The following COL6A3 variants were observed in gnomAD, a reference collection of about 807,000 sequenced individuals.
The protein encoded by COL6A3 is collagen type VI alpha 3 chain, also known as collagen alpha-3(VI) chain.
COL6A3 carries 137 observed loss-of-function variants against 274.1 expected under a neutral mutation model. That is an observed-to-expected ratio of 0.50 (90% CI 0.44 to 0.58). The LOEUF (loss-of-function observed/expected upper bound fraction) is 0.58. COL6A3 is among the 20% of genes least tolerant of loss of function. The pLI, the probability that COL6A3 is intolerant of heterozygous loss-of-function variation, is 0.00. For synonymous variants in COL6A3, 1,650 were observed against 1,650.6 expected (o/e 1.00, Z 0.01); for missense variants, 3,950 against 4,124.9 (o/e 0.96, Z 1.16).
intron 3 of COL6A3, among the ~76,000 whole-genome samples, chr2:237,388,806 A>G (rs1468177712): frequency 6.6e-6 from 1 of 152,164 alleles, no homozygotes. Flanking sequence ...AACTCAAACT[A>G]CATTTAAAGT....
rs1336774568 is a variant in COL6A3 at position 237,379,113 on chromosome 2, C to A, written c.2020G>T (p.Asp674Tyr). Residue 674 changes from aspartate to tyrosine, a missense_variant, in exon 6 of 44, where the codon GAC becomes TAC. Asp to Tyr is a radical substitution (Grantham distance 160). Transcript: ENST00000295550. ...TGCACTAAACCAACACGAATATTGT[C>A]ATTTCCAATATCAAGGCTGTTAACT... is the stretch of plus-strand genomic sequence containing the variant. ...NLVNSLDIGN[D>Y]NIRVGLVQFS... is the part of the protein sequence containing the mutation. 1.9e-6 allele frequency: 3 copies of A among 1,614,126 alleles called. No individual in the cohort carries two copies. Among genetic ancestry groups the A allele is most frequent in the South Asian group, 2.2e-5 (2 of 91,086 alleles).
intron 1 of COL6A3, among the ~76,000 whole-genome samples, chr2:237,400,706 C>T (rs1346759166): frequency 6.6e-6 from 1 of 151,918 alleles, no homozygotes; most frequent in Non-Finnish European, 1.5e-5. Flanking sequence ...TAACACTAAT[C>T]CTTCTCAAAC....
In COL6A3 at chr2:237,360,070, C is replaced by T; in HGVS notation, c.6282+18G>A. On this transcript the variant is annotated intron_variant, in intron 17 of 43. Transcript: ENST00000295550. ...CTGACCCCTCCCCACGCTAGCAACC[C>T]CATCACCCACGCCTCACCTTTACTC... is the stretch of plus-strand genomic sequence containing the variant. The T allele has an allele frequency of 1.2e-6, 2 of 1,613,942 alleles. No individual in the cohort carries two copies. The highest frequency in any genetic ancestry group is 2.2e-5 in the East Asian group (1 of 44,852).
At chr2:237,396,591 A>G in intron 2 of COL6A3, 136 bp downstream of exon 2, 2 of 858,796 alleles carry the variant, frequency 2.3e-6, no homozygotes, top group Non-Finnish European at 3.9e-6. Flanking sequence ...GAACTATCCT[A>G]TCTGACTATC....
rs968946247 is a variant in COL6A3 at position 237,364,296 on chromosome 2, A to G, written c.5917+54T>C. On this transcript the variant is annotated intron_variant, in intron 13 of 43. Coordinates refer to ENST00000295550, the MANE Select transcript of COL6A3 (RefSeq NM_004369.4). The surrounding 1 kb of genome is among the most constrained non-coding windows in gnomAD (Gnocchi z 4.6). Reference sequence around the variant, plus strand: ...AGAGGTTTCTCTCCAGCAGAGCAGTACACCCCGCCTCACCAGGGTTTACTT... The same window carrying G: ...AGAGGTTTCTCTCCAGCAGAGCAGTGCACCCCGCCTCACCAGGGTTTACTT... 6 of 1,400,258 alleles carry G rather than the reference A, an allele frequency of 4.3e-6. No homozygotes were observed. Among genetic ancestry groups the G allele is most frequent in the Non-Finnish European group, 6.1e-6 (6 of 988,122 alleles). 86.7% of individuals were successfully genotyped at this position (1,400,258 alleles called of 1,614,324 possible). A position where few individuals can be genotyped will look rare whatever the true frequency, so the allele number is the denominator to read the frequency against.
intron 1 of COL6A3, among the ~76,000 whole-genome samples, chr2:237,402,725 T>A (rs955585400): frequency 1.3e-5 from 2 of 152,204 alleles, no homozygotes; most frequent in African/African-American, 4.8e-5. Context: ...AAGAATCTAA[T>A]ATGAACATTC....
At chr2:237,399,847 G>C (rs1271801485) in intron 1 of COL6A3, among the ~76,000 whole-genome samples, 2 of 152,194 alleles carry the variant, frequency 1.3e-5, no homozygotes, top group Non-Finnish European at 2.9e-5. Flanking sequence ...CTGTAAGTGG[G>C]ACCCATGTCC....
chr2:237,345,969 A>C (rs2077090230), intron 32 of COL6A3, among the ~76,000 whole-genome samples: 1 of 152,206 alleles, frequency 6.6e-6, no homozygotes, highest in Non-Finnish European at 1.5e-5. Flanking sequence ...ATTGAGGGAC[A>C]ATATATGGAG....
Position 237,364,734 on chromosome 2 carries a change from G to A in COL6A3, c.5839-306C>T, listed in dbSNP as rs1466795082. On this transcript the variant is annotated intron_variant, in intron 12 of 43. Transcript: ENST00000295550. This position sits in a 1 kb window ranked among gnomAD's most constrained non-coding sequence, Gnocchi z 4.6. ...GCGAATCATATGCATATGTGTGCATGCATGTGTGCGTGCATGTGTGTGCAT... is the reference window on the plus strand; with the variant it reads ...GCGAATCATATGCATATGTGTGCATACATGTGTGCGTGCATGTGTGTGCAT... Among the ~76,000 whole-genome samples, 3 of 151,202 alleles carry A rather than the reference G, an allele frequency of 2.0e-5. No individual in the cohort carries two copies. The highest frequency in any genetic ancestry group is 1.3e-4 in the Admixed American group (2 of 15,096).
rs1332737986 is a variant in COL6A3 at position 237,407,131 on chromosome 2, CA to C, written c.-31+6821del. Among the ~76,000 whole-genome samples the C allele has an allele frequency of 6.6e-6, 1 of 152,026 alleles. No homozygotes were observed. The highest frequency in any genetic ancestry group is 1.9e-4 in the East Asian group (1 of 5,176). On this transcript the variant is annotated intron_variant, in intron 1 of 43. Transcript: ENST00000295550. This position sits in a 1 kb window ranked among gnomAD's most constrained non-coding sequence, Gnocchi z 4.3. ...CTCACTATATTGCCCAGGCTGGTCT[CA>C]AACTCTTGGGCTCAAGGGATCCTCC...
intron 4 of COL6A3, among the ~76,000 whole-genome samples, chr2:237,384,291 A>G (rs183522603): frequency 2.9e-4 from 44 of 152,010 alleles, no homozygotes; most frequent in Non-Finnish European, 2.4e-4. Flanking sequence ...ATAAATATCA[A>G]CCCAAACACA....
intron 1 of COL6A3, among the ~76,000 whole-genome samples, chr2:237,397,906 G>A (rs966548913): frequency 1.1e-4 from 16 of 152,212 alleles, no homozygotes; most frequent in African/African-American, 1.4e-4. Context: ...AGTGATGTAC[G>A]CAGCAATTTG....
intron 27 of COL6A3, 134 bp downstream of exon 27, chr2:237,350,996 T>C (rs1325114580): frequency 7.2e-6 from 6 of 830,322 alleles, no homozygotes; most frequent in Non-Finnish European, 1.0e-5. Context: ...CAAGCCGCGA[T>C]CAACAGGGGA....
intron 42 of COL6A3, chr2:237,333,118 C>T (rs573949654): frequency 7.3e-5 from 27 of 372,384 alleles, no homozygotes; most frequent in Admixed American, 1.5e-4. Context: ...GTAAATGAAA[C>T]GCCAATCTTC....
At chr2:237,358,779 T>C (rs116088143) in intron 20 of COL6A3, among the ~76,000 whole-genome samples, 196 bp from the exon 21 acceptor site, 122 of 152,352 alleles carry the variant, frequency 8.0e-4, no homozygotes, top group African/African-American at 2.6e-3. Context: ...GGGACCCACT[T>C]TGTGCCAGGC....
intron 42 of COL6A3, 27 bp from the exon 43 acceptor site, chr2:237,325,751 A>G (rs1456427926): frequency 1.2e-6 from 2 of 1,603,870 alleles, no homozygotes; most frequent in African/African-American, 2.7e-5. Flanking sequence ...AGAAAAGGAT[A>G]TTAATGAGAA....
Position 237,344,639 on chromosome 2 carries a change from A to G in COL6A3, c.7379T>C (p.Phe2460Ser), listed in dbSNP as rs765470221. 1 of 1,614,006 alleles carries G rather than the reference A, an allele frequency of 6.2e-7. No individual in the cohort carries two copies. Among genetic ancestry groups the G allele is most frequent in the East Asian group, 2.2e-5 (1 of 44,868 alleles). Residue 2460 changes from phenylalanine (F) to serine (S), a missense_variant, in exon 36 of 44, where the codon TTT (phenylalanine) becomes TCT (serine). Transcript: ENST00000295550. This position sits in a 1 kb window ranked among gnomAD's most constrained non-coding sequence, Gnocchi z 4.8. Reference sequence around the variant, plus strand: ...GACCGACTTCCTCTTGGAGTCAGCAAACCGGATCTCCGTGGTCACCTCGTT... The same window carrying G: ...GACCGACTTCCTCTTGGAGTCAGCAGACCGGATCTCCGTGGTCACCTCGTT... ...YNNEVTTEIR[F>S]ADSKRKSVLL...
At position 237,357,936 on chromosome 2, in the gene COL6A3, C is replaced by T. The variant is rs2077353593; in HGVS notation, c.6472-54G>A. 11 of 1,505,366 alleles carry T rather than the reference C, an allele frequency of 7.3e-6. No homozygotes were observed. In the East Asian group the frequency reaches 2.3e-4, roughly 31 times the overall value. The allele number at this position is 1,505,366 out of a possible 1,614,324, so 93.3% of individuals were successfully genotyped here. On this transcript the variant is annotated intron_variant, in intron 21 of 43. Transcript: ENST00000295550. ...GCCACATATGGAAGGAAAGCAGCTG[C>T]CACTGGACTGGATGGTCAGGGAAAT...
Position 237,368,411 on chromosome 2 carries a change from T to C in COL6A3, c.4900+152A>G, listed in dbSNP as rs1403850317. On this transcript the variant is annotated intron_variant, in intron 10 of 43. Transcript: ENST00000295550. This position sits in a 1 kb window ranked among gnomAD's most constrained non-coding sequence, Gnocchi z 4.4. ...AATATGCTTCCTTCTGCAATTTCAA[T>C]GGAACTACTTTTCCAGTATTTAATT... 7.2e-6 allele frequency: 7 copies of C among 973,246 alleles called. No homozygotes were observed. Among genetic ancestry groups the C allele is most frequent in the Non-Finnish European group, 1.0e-5 (7 of 672,696 alleles). The allele number at this position is 973,246 out of a possible 1,614,324, so 60.3% of individuals were successfully genotyped here. A position where few individuals can be genotyped will look rare whatever the true frequency, so the allele number is the denominator to read the frequency against.
Sources: gnomAD v4.1 joint callset for allele counts (sites outside exome capture counted in the v4.1 genomes callset) on GRCh38, gnomAD v4.1.1 for gene constraint, Gnocchi (gnomAD v3.1) non-coding constraint, MANE v1.5 for transcripts, NCBI Gene and HGNC (gene_info 2026-07-23, HGNC 2026-07-21) for gene names.